The following KCNIP4 variants were observed in gnomAD, a reference collection of about 807,000 sequenced individuals.
KCNIP4 encodes Kv channel-interacting protein 4.
Under a neutral mutation model 34.0 loss-of-function variants are expected in KCNIP4, and 12 were observed. That is an observed-to-expected ratio of 0.35 (90% CI 0.23 to 0.57). The LOEUF is 0.57. Among genes scored for constraint, KCNIP4 ranks in the 20% least tolerant of loss-of-function variants. The pLI is 0.83. For missense variants in KCNIP4, 238 were observed against 311.7 expected (o/e 0.76, Z 1.78); for synonymous variants, 124 against 102.2 (o/e 1.21, Z -1.29).
chr4:21,921,691 A>G (rs546822916), intron 1 of KCNIP4, among the ~76,000 whole-genome samples: 1 of 151,978 alleles, frequency 6.6e-6, no homozygotes, highest in East Asian at 1.9e-4. Flanking sequence ...AAGTCTGCTT[A>G]CTCTACCTGC....
At chr4:21,458,197 T>C (rs1729130610) in intron 1 of KCNIP4, among the ~76,000 whole-genome samples, 1 of 136,264 alleles carries the variant, frequency 7.3e-6, no homozygotes, top group Non-Finnish European at 1.5e-5. Flanking sequence ...CCTGTGTCCA[T>C]GTGATCTCAT....
intron 1 of KCNIP4, among the ~76,000 whole-genome samples, chr4:21,412,602 A>T (rs1037887952): frequency 6.6e-6 from 1 of 152,134 alleles, no homozygotes; most frequent in Admixed American, 6.5e-5. Context: ...TTATATGTGT[A>T]TTTGATTTTA....
intron 1 of KCNIP4, among the ~76,000 whole-genome samples, chr4:21,475,000 C>CAAAAAAA (rs10681441): frequency 1.0e-4 from 11 of 105,676 alleles, no homozygotes; most frequent in East Asian, 8.0e-4. Flanking sequence ...GACTCCATCT[C>CAAAAAAA]GAAAAACAAA....
chr4:21,213,207 C>G (rs770340504), intron 1 of KCNIP4, among the ~76,000 whole-genome samples: 6 of 152,124 alleles, frequency 3.9e-5, no homozygotes, highest in African/African-American at 1.2e-4. Context: ...TTCTCAAAAC[C>G]TGGTGAAATT....
At chr4:21,396,549 C>CAAAAAAGAA (rs1723016668) in intron 1 of KCNIP4, among the ~76,000 whole-genome samples, 1 of 52,790 alleles carries the variant, frequency 1.9e-5, no homozygotes, top group African/African-American at 5.7e-5. Flanking sequence ...AGCAAGACTC[C>CAAAAAAGAA]AAAAAAAAAA....
At chr4:20,961,314 G>A (rs1476132943) in intron 1 of KCNIP4, among the ~76,000 whole-genome samples, 1 of 152,046 alleles carries the variant, frequency 6.6e-6, no homozygotes, top group Admixed American at 6.6e-5. Flanking sequence ...GAATTAAAAA[G>A]CTATCTAACT....
chr4:21,602,400 T>A (rs1743258853), intron 1 of KCNIP4, among the ~76,000 whole-genome samples: 1 of 152,132 alleles, frequency 6.6e-6, no homozygotes, highest in South Asian at 2.1e-4. Flanking sequence ...TCAATAAATG[T>A]ATCCTGAATG....
intron 3 of KCNIP4, among the ~76,000 whole-genome samples, chr4:20,779,620 TCAGG>T (rs1310848522): frequency 9.2e-6 from 1 of 108,524 alleles, no homozygotes; most frequent in African/African-American, 3.5e-5. Flanking sequence ...AAAAAAAATT[TCAGG>T]TATAATTAGT....
At chr4:21,757,945 T>C (rs769245549) in intron 1 of KCNIP4, among the ~76,000 whole-genome samples, 1 of 152,196 alleles carries the variant, frequency 6.6e-6, no homozygotes, top group African/African-American at 2.4e-5. Context: ...ACTACTAGGT[T>C]TGTGTCCTTA....
intron 5 of KCNIP4, 140 bp from the exon 6 acceptor site, chr4:20,734,875 G>C: frequency 2.1e-6 from 1 of 469,782 alleles, no homozygotes; most frequent in Non-Finnish European, 3.7e-6. Context: ...TGGTTGTCTA[G>C]TTTTCAGACT....
chr4:21,605,491 T>A (rs11733682), intron 1 of KCNIP4, among the ~76,000 whole-genome samples: 18,381 of 152,122 alleles, frequency 0.12, 1,226 homozygotes, highest in African/African-American at 0.16. Flanking sequence ...TTTTACAATT[T>A]TTTTTTTGAG....
At chr4:20,829,674 G>A (rs949239093) in intron 3 of KCNIP4, among the ~76,000 whole-genome samples, 16 of 151,992 alleles carry the variant, frequency 1.1e-4, no homozygotes, top group African/African-American at 3.6e-4. Flanking sequence ...TACTACTATT[G>A]TTTATTATCC....
intron 1 of KCNIP4, among the ~76,000 whole-genome samples, chr4:21,535,314 T>C (rs1737062987): frequency 6.6e-6 from 1 of 152,158 alleles, no homozygotes; most frequent in Admixed American, 6.6e-5. Context: ...GGCTTTATTT[T>C]TGAGGACTTG....
intron 1 of KCNIP4, among the ~76,000 whole-genome samples, chr4:20,956,167 T>C (rs1733283005): frequency 6.6e-6 from 1 of 152,234 alleles, no homozygotes; most frequent in Non-Finnish European, 1.5e-5. Context: ...TGTTTACCAG[T>C]ATTCAATTGA....
intron 1 of KCNIP4, among the ~76,000 whole-genome samples, chr4:20,988,762 G>T (rs760430297): frequency 6.6e-6 from 1 of 152,128 alleles, no homozygotes; most frequent in Non-Finnish European, 1.5e-5. Flanking sequence ...GGTTATTTTC[G>T]ATTGAAGGCA....
At chr4:21,280,654 G>T (rs1428290414) in intron 1 of KCNIP4, among the ~76,000 whole-genome samples, 1 of 152,168 alleles carries the variant, frequency 6.6e-6, no homozygotes, top group African/African-American at 2.4e-5. Context: ...GAAAGTATTT[G>T]TTAAATGAAA....
At chr4:20,989,467 T>C (rs1736887860) in intron 1 of KCNIP4, among the ~76,000 whole-genome samples, 1 of 152,006 alleles carries the variant, frequency 6.6e-6, no homozygotes, top group African/African-American at 2.4e-5. Context: ...ATAGGAAAAA[T>C]CAGGATGATA....
At chr4:21,304,067 GAC>G (rs1237700488) in intron 1 of KCNIP4, 4,847 of 362,890 alleles carry the variant, frequency 0.013, 60 homozygotes, top group African/African-American at 0.088. Flanking sequence ...GAGAGAGAGA[GAC>G]AGAGAGAGAG....
At chr4:21,826,899 A>G (rs1224169824) in intron 1 of KCNIP4, among the ~76,000 whole-genome samples, 1 of 152,112 alleles carries the variant, frequency 6.6e-6, no homozygotes, top group Non-Finnish European at 1.5e-5. Flanking sequence ...CCTAAAAAGA[A>G]TAGCAGAAGG....
Sources: allele counts gnomAD v4.1 joint callset (sites outside exome capture counted in the v4.1 genomes callset), GRCh38; gene constraint gnomAD v4.1.1; transcripts MANE v1.5; gene names NCBI Gene and HGNC (gene_info 2026-07-23, HGNC 2026-07-21).